Variants in RBFOX1 observed in about 807,000 individuals in gnomAD.
RBFOX1 encodes RNA binding protein fox-1 homolog 1.
Under a neutral mutation model 57.7 loss-of-function variants are expected in RBFOX1, and 8 were observed. The observed-to-expected ratio is 0.14, with a 90% CI of 0.08 to 0.25. RBFOX1 has a LOEUF of 0.25. Among genes scored for constraint, RBFOX1 ranks in the 10% least tolerant of loss-of-function variants. The pLI, the probability that RBFOX1 is intolerant of heterozygous loss-of-function variation, is 1.00. For synonymous variants in RBFOX1, 326 were observed against 222.4 expected, an observed-to-expected ratio of 1.47 and a Z score of -4.15; for missense variants, 611 against 548.5, an observed-to-expected ratio of 1.11 and a Z score of -1.14.
Position 7,712,802 on chromosome 16 carries a change from G to T in RBFOX1, c.*2057G>T, listed in dbSNP as rs1467987666. ...GAAAGAGTAGGAGCAGGGGGCTATG[G>T]AGAATAAATTTCTCCCAATTGCCGC... On this transcript the variant is annotated 3_prime_UTR_variant, in exon 16 of 16. Transcript: ENST00000550418. The T allele has an allele frequency of 6.6e-6, 1 of 152,116 alleles. No individual in the cohort carries two copies. The highest frequency in any genetic ancestry group is 1.5e-5 in the Non-Finnish European group (1 of 67,998). 9.4% of individuals were successfully genotyped at this position (152,116 alleles called of 1,614,324 possible). A position where few individuals can be genotyped will look rare whatever the true frequency, so the allele number is the denominator to read the frequency against.
intron 3 of RBFOX1, among the ~76,000 whole-genome samples, chr16:5,854,023 T>G (rs1049054194): frequency 6.6e-6 from 1 of 152,228 alleles, no homozygotes; most frequent in East Asian, 1.9e-4. Context: ...AAGTTTCTAT[T>G]TTTAATTTTT....
intron 2 of RBFOX1, among the ~76,000 whole-genome samples, chr16:5,548,173 AAATAT>A (rs1245874315): frequency 7.8e-4 from 26 of 33,418 alleles, no homozygotes; most frequent in East Asian, 6.8e-3. Flanking sequence ...AAAAAAAAAA[AAATAT>A]ATATATATAT....
At chr16:6,746,325 C>T (rs534835864) in intron 3 of RBFOX1, among the ~76,000 whole-genome samples, 1 of 151,970 alleles carries the variant, frequency 6.6e-6, no homozygotes, top group African/African-American at 2.4e-5. Context: ...TTGAAAAAAA[C>T]AATTTGGGAA....
At chr16:7,023,807 G>C (rs747818457) in intron 3 of RBFOX1, among the ~76,000 whole-genome samples, 14 of 151,982 alleles carry the variant, frequency 9.2e-5, no homozygotes, top group Admixed American at 1.3e-4. Context: ...GAACACTCTG[G>C]AGTAGGCTGC....
At chr16:5,460,691 A>C (rs952619885) in intron 1 of RBFOX1, among the ~76,000 whole-genome samples, 1 of 152,218 alleles carries the variant, frequency 6.6e-6, no homozygotes, top group Non-Finnish European at 1.5e-5. Context: ...TTAGATATCA[A>C]AAGGGCTGAC....
chr16:5,930,311 TTGGA>T (rs1374374337), intron 4 of RBFOX1, among the ~76,000 whole-genome samples: 1 of 90,140 alleles, frequency 1.1e-5, no homozygotes, highest in Non-Finnish European at 2.3e-5. Flanking sequence ...GGGTGGTTGG[TTGGA>T]TGGATGGATG....
chr16:5,599,026 C>A (rs1352726255), exon 3 of RBFOX1: 1 of 1,331,012 alleles, frequency 7.5e-7, no homozygotes, highest in Non-Finnish European at 1.0e-6. Flanking sequence ...TTTTCAGCCT[C>A]TTTGGTCTCC....
At chr16:7,003,003 G>A (rs1030865613) in intron 3 of RBFOX1, among the ~76,000 whole-genome samples, 26 of 151,188 alleles carry the variant, frequency 1.7e-4, no homozygotes, top group Admixed American at 1.1e-3. Flanking sequence ...ACTATGAGTG[G>A]ATCTTGGTGG....
intron 3 of RBFOX1, among the ~76,000 whole-genome samples, chr16:6,753,765 T>C (rs1479035621): frequency 1.3e-5 from 2 of 152,160 alleles, no homozygotes; most frequent in Non-Finnish European, 2.9e-5. Flanking sequence ...ATTTATGTGA[T>C]TCGTAGTGAG....
intron 5 of RBFOX1, among the ~76,000 whole-genome samples, chr16:7,547,492 C>A (rs1273501005): frequency 6.6e-6 from 1 of 152,056 alleles, no homozygotes; most frequent in Admixed American, 6.6e-5. Context: ...GCATTTAGTC[C>A]CTTCTGCAAG....
intron 2 of RBFOX1, among the ~76,000 whole-genome samples, chr16:6,501,302 C>A (rs1173634087): frequency 8.0e-6 from 1 of 125,186 alleles, no homozygotes; most frequent in Non-Finnish European, 1.7e-5. Context: ...CCCCCCACCC[C>A]ACAACAGTCC....
At chr16:5,944,028 A>G (rs2059338308) in intron 4 of RBFOX1, among the ~76,000 whole-genome samples, 1 of 149,730 alleles carries the variant, frequency 6.7e-6, no homozygotes, top group Admixed American at 6.6e-5. Context: ...TCCACCATCC[A>G]TTCATCCAGT....
At chr16:6,804,755 C>G (rs1018028306) in intron 3 of RBFOX1, among the ~76,000 whole-genome samples, 8 of 152,106 alleles carry the variant, frequency 5.3e-5, no homozygotes, top group Non-Finnish European at 1.2e-4. Context: ...TAGAATGGGA[C>G]GCAGTGGATT....
In RBFOX1 at chr16:6,019,657, C is replaced by A. The variant is rs2095029215; in HGVS notation, c.-462C>A. 1 of 1,302,286 alleles carries A rather than the reference C, an allele frequency of 7.7e-7. No individual in the cohort carries two copies. The highest frequency in any genetic ancestry group is 9.8e-7 in the Non-Finnish European group (1 of 1,025,318). 80.7% of individuals were successfully genotyped at this position (1,302,286 alleles called of 1,614,324 possible). A position where few individuals can be genotyped will look rare whatever the true frequency, so the allele number is the denominator to read the frequency against. On this transcript the variant is annotated 5_prime_UTR_variant, in exon 1 of 16. Coordinates refer to ENST00000550418, the MANE Select transcript of RBFOX1 (RefSeq NM_018723.4). The surrounding 1 kb of genome is among the most constrained non-coding windows in gnomAD (Gnocchi z 4.2). ...GGAGGGGACAGCCAGCCGTGGGCCC[C>A]GCCCCGGCGTCCGGAGCAGGAGAAC...
intron 2 of RBFOX1, among the ~76,000 whole-genome samples, chr16:6,502,908 G>A (rs867561644): frequency 2.0e-5 from 3 of 152,200 alleles, no homozygotes; most frequent in South Asian, 2.1e-4. Context: ...CTTGTAAACC[G>A]TCATATTATG....
intron 1 of RBFOX1, among the ~76,000 whole-genome samples, chr16:6,044,868 C>T (rs376928805): frequency 6.6e-6 from 1 of 152,172 alleles, no homozygotes; most frequent in Admixed American, 6.5e-5. Context: ...CTGTACTGTT[C>T]GCTGTTTTAC....
intron 11 of RBFOX1, among the ~76,000 whole-genome samples, chr16:7,638,573 C>A (rs1169925207): frequency 6.6e-6 from 1 of 152,138 alleles, no homozygotes; most frequent in Non-Finnish European, 1.5e-5. Context: ...AGGCAGTTTT[C>A]CCCTCTTTGA....
At chr16:6,362,125 C>T (rs923254165) in intron 2 of RBFOX1, among the ~76,000 whole-genome samples, 2 of 152,112 alleles carry the variant, frequency 1.3e-5, no homozygotes, top group Non-Finnish European at 2.9e-5. Context: ...ATGACAGAAT[C>T]ATTTTCATGA....
intron 2 of RBFOX1, among the ~76,000 whole-genome samples, chr16:6,548,698 C>T (rs756687902): frequency 2.0e-5 from 3 of 152,256 alleles, no homozygotes; most frequent in East Asian, 1.9e-4. Context: ...TTCACGATGT[C>T]GCAAGAACTC....
Sources: allele counts gnomAD v4.1 joint callset (sites outside exome capture counted in the v4.1 genomes callset), GRCh38; gene constraint gnomAD v4.1.1; non-coding constraint Gnocchi (gnomAD v3.1); transcripts MANE v1.5; gene names NCBI Gene and HGNC (gene_info 2026-07-23, HGNC 2026-07-21).